CD36: variants seen among roughly 807,000 people sequenced by gnomAD.
CD36 encodes platelet glycoprotein 4.
CD36 carries 119 observed loss-of-function variants against 55.2 expected under a neutral mutation model. The ratio of observed to expected loss-of-function variants is 2.15; its 90% confidence interval spans 1.86 to 2.51. The LOEUF is 2.51. Ranked by LOEUF, CD36 falls within the 30% of genes most tolerant of loss-of-function variation. The pLI is 0.00. For synonymous variants in CD36, 186 were observed against 193.6 expected (o/e 0.96, Z 0.33); for missense variants, 819 against 555.5 (o/e 1.47, Z -4.77).
chr7:80,662,360 C>T (rs949514985), intron 5 of CD36: 4 of 199,428 alleles, frequency 2.0e-5, no homozygotes, highest in African/African-American at 9.3e-5. Context: ...TAGTCCTCCT[C>T]ATCCTCCCCA....
At chr7:80,640,121 A>T (rs1219302471) in intron 1 of CD36, among the ~76,000 whole-genome samples, 1 of 152,024 alleles carries the variant, frequency 6.6e-6, no homozygotes, top group East Asian at 1.9e-4. Flanking sequence ...TTAATTCTGT[A>T]AGTATCCTTG....
chr7:80,602,441 T>C (rs1264520410), intron 1 of CD36: 1 of 152,170 alleles, frequency 6.6e-6, no homozygotes, highest in African/African-American at 2.4e-5. Context: ...TGATGCACTC[T>C]CATCTAGTAA....
intron 1 of CD36, among the ~76,000 whole-genome samples, chr7:80,643,324 T>A (rs1386176902): frequency 6.6e-6 from 1 of 152,180 alleles, no homozygotes; most frequent in Non-Finnish European, 1.5e-5. Flanking sequence ...TTTTAAATCA[T>A]TTTGTATCAC....
chr7:80,626,096 C>A (rs1793724079), intron 1 of CD36: 1 of 152,022 alleles, frequency 6.6e-6, no homozygotes, highest in South Asian at 2.1e-4. Flanking sequence ...GATCAGTGGA[C>A]TCCTAACTAT....
chr7:80,603,972 A>C (rs777455003), intron 1 of CD36, among the ~76,000 whole-genome samples: 6 of 152,124 alleles, frequency 3.9e-5, no homozygotes, highest in Admixed American at 1.3e-4. Context: ...TGATATTCTT[A>C]GTATTTACAA....
chr7:80,627,600 T>G (rs1040787931), intron 1 of CD36, among the ~76,000 whole-genome samples: 1 of 151,880 alleles, frequency 6.6e-6, no homozygotes, highest in Non-Finnish European at 1.5e-5. Flanking sequence ...GATAGTAGAT[T>G]GGCATGTAAA....
intron 1 of CD36, among the ~76,000 whole-genome samples, chr7:80,630,822 T>G (rs1794033247): frequency 6.6e-6 from 1 of 152,006 alleles, no homozygotes; most frequent in East Asian, 1.9e-4. Flanking sequence ...GCCTTGTAAA[T>G]GCAGCTTGGG....
chr7:80,674,534 C>T, intron 14 of CD36: 2 of 228,804 alleles, frequency 8.7e-6, no homozygotes, highest in South Asian at 1.1e-4. Flanking sequence ...GACATGCTGG[C>T]CGTGCATTTT....
At chr7:80,672,672 AGTTACTACCTTC>A in intron 11 of CD36, 86 bp from the exon 12 acceptor site, 1 of 820,440 alleles carries the variant, frequency 1.2e-6, no homozygotes, top group South Asian at 1.5e-5. Context: ...TTTAACCTTA[AGTTACTACCTTC>A]TCTTCTGCTG....
chr7:80,634,471 C>A (rs1794268592), upstream of CD36, among the ~76,000 whole-genome samples: 1 of 152,010 alleles, frequency 6.6e-6, no homozygotes, highest in African/African-American at 2.4e-5. Flanking sequence ...AAGTTTAAAT[C>A]TACTATCTGA....
At position 80,671,950 on chromosome 7, in the gene CD36, T is replaced by C. The variant is rs767391137; in HGVS notation, c.1035T>C (p.His345=). The change falls in exon 11 of 15, where the codon CAT becomes CAC. Residue 345 remains histidine (H), a synonymous_variant. Coordinates refer to ENST00000447544, the MANE Select transcript of CD36 (RefSeq NM_001001548.3). ...EGRPVYISLP[H]FLYASPDVSE... is the part of the protein sequence containing the mutation. ...GACCTGTGTACATTTCACTTCCTCATTTTCTGTATGCAAGTCCTGATGTTT... is the reference window on the plus strand; with the variant it reads ...GACCTGTGTACATTTCACTTCCTCACTTTCTGTATGCAAGTCCTGATGTTT... The C allele has an allele frequency of 3.1e-6, 5 of 1,611,420 alleles. No individual in the cohort carries two copies. The Admixed American group carries it at 8.3e-5, about 27-fold the overall frequency.
At chr7:80,616,083 T>C (rs1474629767) in intron 1 of CD36, among the ~76,000 whole-genome samples, 1 of 152,308 alleles carries the variant, frequency 6.6e-6, no homozygotes, top group East Asian at 1.9e-4. Flanking sequence ...GAGTTGATTC[T>C]ATAGATATTC....
chr7:80,659,816 G>C (rs182009547), intron 4 of CD36, among the ~76,000 whole-genome samples: 167 of 152,188 alleles, frequency 1.1e-3, no homozygotes, highest in Non-Finnish European at 1.8e-3. Context: ...CCTGAGTGCT[G>C]TTTCAGATTT....
rs187831850 is a variant in CD36, at chr7:80,661,555, A to G, written c.429+345A>G. On this transcript the variant is annotated intron_variant, in intron 5 of 14. Coordinates refer to ENST00000447544, the MANE Select transcript of CD36 (RefSeq NM_001001548.3). ...GACTTTTAAGTATGTAAGCAACTAT[A>G]TAATAAAAGGTTTCCAAACGCAGCC... Among the ~76,000 whole-genome samples the G allele has an allele frequency of 3.2e-3, 488 of 152,322 alleles. 2 individuals carry two copies. Among genetic ancestry groups the G allele is most frequent in the African/African-American group, 0.011 (478 of 41,574 alleles).
chr7:80,611,609 A>G (rs1562769082), intron 1 of CD36, among the ~76,000 whole-genome samples: 1 of 152,220 alleles, frequency 6.6e-6, no homozygotes, highest in African/African-American at 2.4e-5. Context: ...AGTGTACCAT[A>G]GGGAACTGAC....
intron 6 of CD36, among the ~76,000 whole-genome samples, chr7:80,664,143 C>T (rs960465083): frequency 6.6e-6 from 1 of 152,080 alleles, no homozygotes; most frequent in African/African-American, 2.4e-5. Flanking sequence ...GATCAAAATG[C>T]CCTCATTGGC....
chr7:80,653,586 A>ACC (rs1289180392), intron 3 of CD36, among the ~76,000 whole-genome samples: 2 of 152,172 alleles, frequency 1.3e-5, no homozygotes, highest in African/African-American at 4.8e-5. Context: ...ATACACACAT[A>ACC]CACATTAGCC....
intron 1 of CD36, among the ~76,000 whole-genome samples, chr7:80,602,924 T>C (rs1239577236): frequency 9.5e-4 from 144 of 152,240 alleles, no homozygotes; most frequent in Admixed American, 9.4e-3. Flanking sequence ...AACTGACAAA[T>C]ATATTTAAGA....
At chr7:80,636,269 CATCTCTT>C (rs752490512), upstream of CD36, among the ~76,000 whole-genome samples, 17 of 151,768 alleles carry the variant, frequency 1.1e-4, no homozygotes, top group Non-Finnish European at 1.3e-4. Context: ...GTACACTACT[CATCTCTT>C]AGCTCTTATT....
Sources: allele counts gnomAD v4.1 joint callset (sites outside exome capture counted in the v4.1 genomes callset), GRCh38; gene constraint gnomAD v4.1.1; transcripts MANE v1.5; gene names NCBI Gene and HGNC (gene_info 2026-07-23, HGNC 2026-07-21).